ENDOD1: variants seen among roughly 807,000 people sequenced by gnomAD.
ENDOD1 encodes the protein endonuclease domain-containing 1 protein.
In ENDOD1, 9 loss-of-function variants were observed where a neutral mutation model predicts 6.5. The ratio of observed to expected loss-of-function variants is 1.39; its 90% confidence interval spans 0.84 to 2.43. The LOEUF is 2.43. Ranked by LOEUF, ENDOD1 falls within the 30% of genes most tolerant of loss-of-function variation. The pLI is 0.00. For synonymous variants in ENDOD1, 255 were observed against 255.2 expected (o/e 1.00, Z 0.01); for missense variants, 648 against 635.5 (o/e 1.02, Z -0.21).
chr11:95,112,909 T>C (rs1005200305), intron 1 of ENDOD1, among the ~76,000 whole-genome samples: 2 of 152,252 alleles, frequency 1.3e-5, no homozygotes, highest in African/African-American at 4.8e-5. Flanking sequence ...AAGGCCCATT[T>C]TGAGGCATAT....
chr11:95,100,865 G>GTTTTTTTTTTTTTTTTTTTTTT (rs34680715), intron 1 of ENDOD1, among the ~76,000 whole-genome samples: 2 of 72,282 alleles, frequency 2.8e-5, no homozygotes, highest in Non-Finnish European at 4.7e-5. Context: ...CCTGCTGGGT[G>GTTTTTTTTTTTTTTTTTTTTTT]TTTTTTTTTT....
rs75577192 is a variant in ENDOD1 at position 95,126,384 on chromosome 11, C to T, written c.301-1993C>T. 8.8e-3 allele frequency among the ~76,000 whole-genome samples: 1,341 copies of T among 152,218 alleles called. 19 individuals are homozygous for T. Among genetic ancestry groups the T allele is most frequent in the African/African-American group, 0.03 (1,260 of 41,522 alleles). On this transcript the variant is annotated intron_variant, in intron 1 of 1. Coordinates refer to ENST00000278505, the MANE Select transcript of ENDOD1 (RefSeq NM_015036.3). Reference sequence around the variant, plus strand: ...GGGAATCAGTTAACAAGAATTTACTCATTTTAATTAGGTTTGTATTTTTTT... The same window carrying T: ...GGGAATCAGTTAACAAGAATTTACTTATTTTAATTAGGTTTGTATTTTTTT...
rs1555109680 is a variant in ENDOD1, at chr11:95,090,133, A to G, written c.206A>G (p.Tyr69Cys). 2 of 1,543,776 alleles carry G rather than the reference A, an allele frequency of 1.3e-6. No homozygotes were observed. The highest frequency in any genetic ancestry group is 2.6e-5 in the East Asian group (1 of 38,596). The change falls in exon 1 of 2, where the codon TAC becomes TGC. Residue 69 changes from tyrosine (Y) to cysteine (C), a missense_variant. Tyr to Cys is a radical substitution (Grantham distance 194). Coordinates refer to ENST00000278505, the MANE Select transcript of ENDOD1 (RefSeq NM_015036.3). ...GGTGCTGAGCGCTTCGCCACCCTCT[A>G]CAGCACCCGGGACCGCATCCCCGTG... ...AEGAERFATL[Y>C]STRDRIPVYS...
At chr11:95,107,730 G>A (rs1317126805) in intron 1 of ENDOD1, among the ~76,000 whole-genome samples, 1 of 151,918 alleles carries the variant, frequency 6.6e-6, no homozygotes, top group Admixed American at 6.6e-5. Flanking sequence ...GCGCGATCTC[G>A]GCTCACTGCA....
chr11:95,096,921 G>C (rs782058310), intron 1 of ENDOD1, among the ~76,000 whole-genome samples: 7 of 152,154 alleles, frequency 4.6e-5, no homozygotes, highest in Non-Finnish European at 8.8e-5. Flanking sequence ...CCACTACTTT[G>C]GGAGGCCAAG....
Position 95,131,645 on chromosome 11 carries a change from T to C in ENDOD1, c.*2066T>C. 1 of 152,182 alleles carries C rather than the reference T, an allele frequency of 6.6e-6. No homozygotes were observed. Among genetic ancestry groups the C allele is most frequent in the East Asian group, 1.9e-4 (1 of 5,194 alleles). 9.4% of individuals were successfully genotyped at this position (152,182 alleles called of 1,614,324 possible). A position where few individuals can be genotyped will look rare whatever the true frequency, so the allele number is the denominator to read the frequency against. The stretch of plus-strand genomic sequence containing the variant: ...CCTGACAAAGCAGTTGGATTTGGCA[T>C]GTGTGATGAAAACAATTAGCCATCC... On this transcript the variant is annotated 3_prime_UTR_variant, in exon 2 of 2. Transcript: ENST00000278505.
chr11:95,095,093 G>A lies in ENDOD1; in HGVS notation c.300+4866G>A, dbSNP rs1043089019. Among the ~76,000 whole-genome samples the A allele has an allele frequency of 4.6e-5, 7 of 152,092 alleles. No homozygotes were observed. The East Asian group carries it at 9.6e-4, about 21-fold the overall frequency. ...CACAAATGGAATGTTGGATTAGATAGGTGACATCTACAATTCTGCAAATCT... is the reference window on the plus strand; with the variant it reads ...CACAAATGGAATGTTGGATTAGATAAGTGACATCTACAATTCTGCAAATCT... On this transcript the variant is annotated intron_variant, in intron 1 of 1. Coordinates refer to ENST00000278505, the MANE Select transcript of ENDOD1 (RefSeq NM_015036.3).
At position 95,125,304 on chromosome 11, in the gene ENDOD1, A is replaced by G. The variant is rs547198553; in HGVS notation, c.301-3073A>G. 3.9e-5 allele frequency among the ~76,000 whole-genome samples: 6 copies of G among 152,170 alleles called. No homozygotes were observed. In the East Asian group the frequency reaches 1.2e-3, roughly 29 times the overall value. ...GTGCATCTTAAAATCCCGACCTTAC[A>G]CCCAAGTCTCCATAGATCTTGGCTC... On this transcript the variant is annotated intron_variant, in intron 1 of 1. Coordinates refer to ENST00000278505, the MANE Select transcript of ENDOD1 (RefSeq NM_015036.3).
chr11:95,104,909 G>C (rs1389577404), intron 1 of ENDOD1, among the ~76,000 whole-genome samples: 1 of 152,160 alleles, frequency 6.6e-6, no homozygotes, highest in African/African-American at 2.4e-5. Flanking sequence ...ACTGGCTGTT[G>C]TCAGTCACTA....
At chr11:95,108,326 A>G (rs1222079838) in intron 1 of ENDOD1, among the ~76,000 whole-genome samples, 2 of 152,120 alleles carry the variant, frequency 1.3e-5, no homozygotes, top group Non-Finnish European at 2.9e-5. Flanking sequence ...TGTGCACAGC[A>G]CAGGCCAGAG....
rs1859314783 is a variant in ENDOD1, at chr11:95,126,658, C to T, written c.301-1719C>T. On this transcript the variant is annotated intron_variant, in intron 1 of 1. Coordinates refer to ENST00000278505, the MANE Select transcript of ENDOD1 (RefSeq NM_015036.3). ...CATATATTTTCTTATCATTACGAAC[C>T]CCTTTATAATTCCAAGTGCTTTTTA... 3.9e-5 allele frequency among the ~76,000 whole-genome samples: 6 copies of T among 152,172 alleles called. No individual in the cohort carries two copies. The South Asian group carries it at 1.2e-3, about 32-fold the overall frequency.
At position 95,129,388 on chromosome 11, in the gene ENDOD1, G is replaced by A. The variant is rs202063615; in HGVS notation, c.1312G>A (p.Ala438Thr). The stretch of plus-strand genomic sequence containing the variant: ...CCCTGTCCGTGTCCTTGTGGATGTG[G>A]CCACTTTCCCTGTGTACACCATGGG... Reference protein sequence around the residue: ...SIPVRVLVDVATFPVYTMGAI... With the variant: ...SIPVRVLVDVTTFPVYTMGAI... Residue 438 changes from alanine (A) to threonine (T), a missense_variant, in exon 2 of 2, where the codon GCC becomes ACC. By Grantham distance (58) the Ala-to-Thr change is moderately conservative (BLOSUM62 0). Transcript: ENST00000278505. The A allele has an allele frequency of 2.2e-4, 362 of 1,614,170 alleles. No individual in the cohort carries two copies. The highest frequency in any genetic ancestry group is 2.9e-4 in the Non-Finnish European group (347 of 1,180,012).
At chr11:95,103,662 A>G (rs1859062722) in intron 1 of ENDOD1, among the ~76,000 whole-genome samples, 1 of 152,170 alleles carries the variant, frequency 6.6e-6, no homozygotes, top group Non-Finnish European at 1.5e-5. Context: ...TGGGTTTTGT[A>G]GTGGGAGTCC....
In ENDOD1 at chr11:95,106,312, C is replaced by T. The variant is rs371967441; in HGVS notation, c.300+16085C>T. On this transcript the variant is annotated intron_variant, in intron 1 of 1. Transcript: ENST00000278505. ...TAGCATAGAGGAATGGTGAAAGCATCCCCAGCTGGTAGTGACAGGGGCAGT... is the reference window on the plus strand; with the variant it reads ...TAGCATAGAGGAATGGTGAAAGCATTCCCAGCTGGTAGTGACAGGGGCAGT... Among the ~76,000 whole-genome samples, 498 of 152,270 alleles carry T rather than the reference C, an allele frequency of 3.3e-3. 3 individuals are homozygous for T. The highest frequency in any genetic ancestry group is 6.8e-3 in the Middle Eastern group (2 of 294).
chr11:95,123,788 A>G (rs10831308), intron 1 of ENDOD1, among the ~76,000 whole-genome samples: 41,138 of 151,850 alleles, frequency 0.27, 5,616 homozygotes, highest in African/African-American at 0.29. Flanking sequence ...AAAATGTAGC[A>G]TTTTTCCGGC....
At chr11:95,093,821 G>A (rs1422318835) in intron 1 of ENDOD1, among the ~76,000 whole-genome samples, 13 of 152,110 alleles carry the variant, frequency 8.5e-5, no homozygotes, top group Non-Finnish European at 1.3e-4. Flanking sequence ...ACCCTGCTCT[G>A]CAGCCACTCC....
intron 1 of ENDOD1, among the ~76,000 whole-genome samples, chr11:95,126,002 C>T (rs1015090419): frequency 6.6e-6 from 1 of 152,096 alleles, no homozygotes; most frequent in African/African-American, 2.4e-5. Flanking sequence ...AGTTCTAGAT[C>T]CCTGAGGAAT....
At chr11:95,099,229 C>G (rs1555110626) in intron 1 of ENDOD1, among the ~76,000 whole-genome samples, 1 of 152,182 alleles carries the variant, frequency 6.6e-6, no homozygotes, top group South Asian at 2.1e-4. Flanking sequence ...AAATGGATCA[C>G]CCAAAAACTG....
rs201128758 is a variant in ENDOD1 at position 95,128,855 on chromosome 11, T to G, written c.779T>G (p.Phe260Cys). 3.3e-4 allele frequency: 533 copies of G among 1,614,150 alleles called. No homozygotes were observed. Among genetic ancestry groups the G allele is most frequent in the Non-Finnish European group, 4.3e-4 (502 of 1,180,022 alleles). The change falls in exon 2 of 2, where the codon TTT becomes TGT. Residue 260 changes from phenylalanine to cysteine, a missense_variant. Phe to Cys is a radical substitution (Grantham distance 205). Transcript: ENST00000278505. Reference sequence around the variant, plus strand: ...AAAGATCTTCAGAAACTGCTTCCATTTAACCCTCAGCTGTTTCAGAACAAC... The same window carrying G: ...AAAGATCTTCAGAAACTGCTTCCATGTAACCCTCAGCTGTTTCAGAACAAC... ...MVKDLQKLLP[F>C]NPQLFQNNCG...
Sources: gnomAD v4.1 joint callset for allele counts (sites outside exome capture counted in the v4.1 genomes callset) on GRCh38, gnomAD v4.1.1 for gene constraint, MANE v1.5 for transcripts, NCBI Gene and HGNC (gene_info 2026-07-23, HGNC 2026-07-21) for gene names.